TYK2: variants seen among roughly 807,000 people sequenced by gnomAD.
TYK2 encodes non-receptor tyrosine-protein kinase TYK2.
A neutral mutation model predicts 130.9 loss-of-function variants in TYK2; 65 were observed. The ratio of observed to expected loss-of-function variants is 0.50; its 90% CI spans 0.41 to 0.61. The LOEUF (loss-of-function observed/expected upper bound fraction) is 0.61. Ranked by LOEUF, TYK2 falls within the 20% of genes least tolerant of loss-of-function variation. The pLI, the probability that TYK2 is intolerant of heterozygous loss-of-function variation, is 0.00. For missense variants in TYK2, 1,378 were observed against 1,610.7 expected (o/e 0.86, Z 2.47); for synonymous variants, 647 against 658.9 (o/e 0.98, Z 0.28).
intron 5 of TYK2, among the ~76,000 whole-genome samples, chr19:10,367,453 C>T (rs565933473): frequency 2.0e-5 from 3 of 152,024 alleles, no homozygotes; most frequent in Non-Finnish European, 2.9e-5. Flanking sequence ...GGTGAAACCC[C>T]GTCTTTACTA....
intron 2 of TYK2, among the ~76,000 whole-genome samples, chr19:10,378,833 A>ACATCTTATCCTATCT (rs1319897948): frequency 6.7e-6 from 1 of 148,802 alleles, no homozygotes; most frequent in Non-Finnish European, 1.5e-5. Context: ...GTTTTATTTT[A>ACATCTTATCCTATCT]TATCTTATCT....
At chr19:10,351,703 C>T (rs1412304407) in intron 23 of TYK2, among the ~76,000 whole-genome samples, 1 of 152,064 alleles carries the variant, frequency 6.6e-6, no homozygotes, top group Admixed American at 6.6e-5. Flanking sequence ...AGGTGTTTGC[C>T]GTTATTATTA....
chr19:10,364,902 C>T lies in TYK2; in HGVS notation c.1158G>A (p.Val386=), dbSNP rs2041582810. The T allele has an allele frequency of 2.5e-6, 4 of 1,614,230 alleles. No individual in the cohort carries two copies. The highest frequency in any genetic ancestry group is 3.4e-6 in the Non-Finnish European group (4 of 1,180,050). The change falls in exon 8 of 25, where the codon GTG becomes GTA. Residue 386 remains valine, a synonymous_variant. Transcript: ENST00000525621. This position sits in a 1 kb window ranked among gnomAD's most constrained non-coding sequence, Gnocchi z 4.9. ...TGCTGACACAGTGCTCTTTCAGCAC[C>T]ACGTGGGTGATGTCCCGGAAGTCAC... ...YFCDFRDITH[V]VLKEHCVSIH... is the part of the protein sequence containing the mutation.
chr19:10,353,904 A>G lies in TYK2; in HGVS notation c.2908+138T>C, dbSNP rs2040943765. On this transcript the variant is annotated intron_variant, in intron 20 of 24. Transcript: ENST00000525621. This position sits in a 1 kb window ranked among gnomAD's most constrained non-coding sequence, Gnocchi z 6.9. Reference sequence around the variant, plus strand: ...GGAGGCAGCCCAGCCACGCTCACCCAGATGCCAAGAACCGCGTACTGCAGC... The same window carrying G: ...GGAGGCAGCCCAGCCACGCTCACCCGGATGCCAAGAACCGCGTACTGCAGC... 1.2e-5 allele frequency: 12 copies of G among 973,420 alleles called. No homozygotes were observed. The highest frequency in any genetic ancestry group is 1.9e-5 in the Non-Finnish European group (12 of 639,164). The allele number at this position is 973,420 out of a possible 1,614,324, so 60.3% of individuals were successfully genotyped here.
Position 10,359,968 on chromosome 19 carries a change from G to A in TYK2, c.2048-666C>T, listed in dbSNP as rs576391124. Among the ~76,000 whole-genome samples the A allele has an allele frequency of 5.9e-5, 9 of 151,266 alleles. No homozygotes were observed. In the South Asian group the frequency reaches 1.0e-3, roughly 17 times the overall value. On this transcript the variant is annotated intron_variant, in intron 14 of 24. Coordinates refer to ENST00000525621, the MANE Select transcript of TYK2 (RefSeq NM_003331.5). ...GGAGCTTGCAGTGAGCCGAGATCAC[G>A]TCATTGCACTCCAGCCTGGGCGATA...
intron 9 of TYK2, among the ~76,000 whole-genome samples, chr19:10,363,187 CTTTTTT>C (rs942594471): frequency 7.8e-6 from 1 of 127,698 alleles, no homozygotes; most frequent in Non-Finnish European, 1.6e-5. Flanking sequence ...CCTGATCTCT[CTTTTTT>C]TTTTTTTTTT....
intron 3 of TYK2, among the ~76,000 whole-genome samples, chr19:10,372,458 C>CTATATATATATATATATA (rs569826524): frequency 2.2e-4 from 10 of 45,974 alleles, no homozygotes; most frequent in Admixed American, 2.7e-4. Flanking sequence ...CCACACACAG[C>CTATATATATATATATATA]TATATATATA....
intron 17 of TYK2, 62 bp downstream of exon 17, chr19:10,357,702 T>C (rs751159701): frequency 1.3e-6 from 2 of 1,550,904 alleles, no homozygotes; most frequent in Admixed American, 3.9e-5. Flanking sequence ...TCTGATTCTG[T>C]CCTCTGGATT....
intron 3 of TYK2, among the ~76,000 whole-genome samples, chr19:10,371,863 CAT>C (rs1320269761): frequency 6.6e-6 from 1 of 152,162 alleles, no homozygotes; most frequent in Non-Finnish European, 1.5e-5. Context: ...TCCCCTTTTC[CAT>C]ATGATAAACA....
chr19:10,372,475 T>C (rs2041950611), intron 3 of TYK2, among the ~76,000 whole-genome samples: 1 of 70,304 alleles, frequency 1.4e-5, no homozygotes, highest in African/African-American at 9.5e-5. Context: ...TATATATATA[T>C]ATATATATAT....
At chr19:10,370,656 A>G (rs1013377288) in intron 3 of TYK2, among the ~76,000 whole-genome samples, 2 of 151,984 alleles carry the variant, frequency 1.3e-5, no homozygotes, top group South Asian at 2.1e-4. Flanking sequence ...CGTCTCTACT[A>G]AAAATACAAA....
intron 3 of TYK2, among the ~76,000 whole-genome samples, chr19:10,371,354 A>C (rs1308969713): frequency 6.6e-6 from 1 of 150,676 alleles, no homozygotes; most frequent in Non-Finnish European, 1.5e-5. Context: ...AATGTTATGA[A>C]CTGTGGCTGG....
In TYK2 at chr19:10,368,356, G is replaced by T. The variant is rs141466711; in HGVS notation, c.256C>A (p.Pro86Thr). The change falls in exon 4 of 25, where the codon CCC (proline) becomes ACC (threonine). Residue 86 changes from proline (P) to threonine (T), a missense_variant. Coordinates refer to ENST00000525621, the MANE Select transcript of TYK2 (RefSeq NM_003331.5). ...LFDAQAQVWL[P>T]PNHILEIPRD... ...GGGATCTCTAGGATGTGGTTTGGGG[G>T]CAACCAGACTTGGGCCTGAGCATCG... 107 of 1,614,036 alleles carry T rather than the reference G, an allele frequency of 6.6e-5. No homozygotes were observed. Among genetic ancestry groups the T allele is most frequent in the Non-Finnish European group, 8.2e-5 (97 of 1,180,044 alleles).
At chr19:10,374,869 C>T (rs977962234) in intron 3 of TYK2, among the ~76,000 whole-genome samples, 18 of 148,994 alleles carry the variant, frequency 1.2e-4, no homozygotes, top group African/African-American at 4.5e-4. Context: ...GAGGACTGAG[C>T]GAGACTTCGT....
chr19:10,359,371 A>G, intron 14 of TYK2, 69 bp from the exon 15 acceptor site: 1 of 1,574,148 alleles, frequency 6.4e-7, no homozygotes, highest in Non-Finnish European at 8.6e-7. Flanking sequence ...GAATTGGGGG[A>G]GACGCCAGGG....
In TYK2 at chr19:10,352,540, T is replaced by C; in HGVS notation, c.3212A>G (p.Glu1071Gly). 6.7e-7 allele frequency: 1 copy of C among 1,501,760 alleles called. No individual in the cohort carries two copies. The highest frequency in any genetic ancestry group is 9.0e-7 in the Non-Finnish European group (1 of 1,111,586). The allele number at this position is 1,501,760 out of a possible 1,614,324, so 93.0% of individuals were successfully genotyped here. ...GDSPVFWYAP[E>G]CLKEYKFYYA... The stretch of plus-strand genomic sequence containing the variant: ...GTAGAACTTATACTCCTTCAGGCAC[T>C]CTGGGGCATACCTAGGGGGAGGGGG... The change falls in exon 23 of 25, where the codon GAG becomes GGG. Residue 1071 changes from glutamate to glycine, a missense_variant. By Grantham distance (98) the Glu-to-Gly change is moderately conservative. Transcript: ENST00000525621.
At chr19:10,371,001 G>A (rs2041886924) in intron 3 of TYK2, among the ~76,000 whole-genome samples, 1 of 151,634 alleles carries the variant, frequency 6.6e-6, no homozygotes, top group Admixed American at 6.6e-5. Flanking sequence ...AAATAAATTA[G>A]CCAGGTGTGG....
At chr19:10,378,833 A>ATATCTCATCTTATCT (rs1555723086) in intron 2 of TYK2, among the ~76,000 whole-genome samples, 3 of 148,802 alleles carry the variant, frequency 2.0e-5, no homozygotes, top group African/African-American at 7.5e-5. Flanking sequence ...GTTTTATTTT[A>ATATCTCATCTTATCT]TATCTTATCT....
intron 3 of TYK2, among the ~76,000 whole-genome samples, chr19:10,376,007 CTTTTTTT>C (rs898207480): frequency 3.0e-5 from 4 of 134,644 alleles, no homozygotes; most frequent in South Asian, 2.4e-4. Flanking sequence ...GCCTTTCTTT[CTTTTTTT>C]TTTTTTTTTT....
Sources: gnomAD v4.1 joint callset for allele counts (sites outside exome capture counted in the v4.1 genomes callset) on GRCh38, gnomAD v4.1.1 for gene constraint, Gnocchi (gnomAD v3.1) non-coding constraint, MANE v1.5 for transcripts, NCBI Gene and HGNC (gene_info 2026-07-23, HGNC 2026-07-21) for gene names.